Variants in PCDH15 observed in about 807,000 individuals in gnomAD.
PCDH15 encodes the protein protocadherin related 15.
In PCDH15, 129 loss-of-function variants were observed where a neutral mutation model predicts 178.5. The observed-to-expected ratio is 0.72, with a 90% CI of 0.63 to 0.84. The LOEUF (loss-of-function observed/expected upper bound fraction) is 0.84, where lower values mean the gene tolerates loss of function less well. Ranked by LOEUF, PCDH15 falls within the 40% of genes least tolerant of loss-of-function variation. PCDH15 has a pLI of 0.00. For synonymous variants in PCDH15, 800 were observed against 732.0 expected, an observed-to-expected ratio of 1.09 and a Z score of -1.50; for missense variants, 2,230 against 2,099.9, an observed-to-expected ratio of 1.06 and a Z score of -1.21.
At position 54,050,898 on chromosome 10, in the gene PCDH15, A is replaced by G. The variant is rs907587339; in HGVS notation, c.2220+15859T>C. Among the ~76,000 whole-genome samples the G allele has an allele frequency of 3.3e-5, 5 of 152,040 alleles. No individual in the cohort carries two copies. In the East Asian group the frequency reaches 9.7e-4, roughly 29 times the overall value. On this transcript the variant is annotated intron_variant, in intron 18 of 37. Transcript: ENST00000644397. ...TGGTTGGAGGTAATTGAATCATGGG[A>G]GCAGTTACTTCTATACTGTTCTCGT...
chr10:54,074,245 A>C (rs2094299127), intron 17 of PCDH15, among the ~76,000 whole-genome samples: 1 of 152,278 alleles, frequency 6.6e-6, no homozygotes, highest in Non-Finnish European at 1.5e-5. Flanking sequence ...TGTGGTATTA[A>C]GTATATTCAT....
chr10:54,761,208 C>T (rs1022269586), intron 1 of PCDH15, among the ~76,000 whole-genome samples: 1 of 152,040 alleles, frequency 6.6e-6, no homozygotes, highest in Non-Finnish European at 1.5e-5. Context: ...AATCTTGCCC[C>T]CCCAAAAATA....
chr10:54,543,506 A>G lies in PCDH15; in HGVS notation c.92-15629T>C, dbSNP rs184808697. On this transcript the variant is annotated intron_variant, in intron 2 of 37. Coordinates refer to ENST00000644397, the MANE Select transcript of PCDH15 (RefSeq NM_001384140.1). ...CCAACGCATGCCCTGCGAGGAGGAC[A>G]AGGGAACCTTTCCCATTTCGTTTTC... Among the ~76,000 whole-genome samples, 272 of 152,328 alleles carry G rather than the reference A, an allele frequency of 1.8e-3. 1 individual carries two copies. The highest frequency in any genetic ancestry group is 6.2e-3 in the African/African-American group (259 of 41,578).
chr10:53,991,368 T>C (rs1488635862), intron 21 of PCDH15, among the ~76,000 whole-genome samples: 1 of 151,834 alleles, frequency 6.6e-6, no homozygotes, highest in Non-Finnish European at 1.5e-5. Flanking sequence ...GGTTCGTGGA[T>C]GCACCAATCA....
chr10:54,584,481 G>A (rs2091305600), intron 2 of PCDH15, among the ~76,000 whole-genome samples: 2 of 151,850 alleles, frequency 1.3e-5, no homozygotes, highest in African/African-American at 4.8e-5. Flanking sequence ...TGAGATATAT[G>A]GAACAAGTTT....
intron 1 of PCDH15, among the ~76,000 whole-genome samples, chr10:54,684,395 G>A (rs1471510962): frequency 6.6e-6 from 1 of 151,810 alleles, no homozygotes; most frequent in Non-Finnish European, 1.5e-5. Context: ...AAATCATTTA[G>A]TTTACTATTT....
intron 6 of PCDH15, among the ~76,000 whole-genome samples, chr10:54,336,313 A>T (rs1457586498): frequency 1.3e-5 from 2 of 152,236 alleles, no homozygotes; most frequent in East Asian, 3.9e-4. Flanking sequence ...GTAATGAGGA[A>T]CCAAATGTTA....
At chr10:55,370,548 G>C (rs1330304547) in intron 2 of PCDH15, among the ~76,000 whole-genome samples, 2 of 152,034 alleles carry the variant, frequency 1.3e-5, no homozygotes. Flanking sequence ...CTGGATAAAA[G>C]TACCCTTTCT....
intron 3 of PCDH15, among the ~76,000 whole-genome samples, chr10:54,447,007 A>T (rs1438389418): frequency 6.6e-6 from 1 of 151,486 alleles, no homozygotes; most frequent in Non-Finnish European, 1.5e-5. Context: ...GGTTCCCTAA[A>T]ACTCCCCCTC....
chr10:55,253,253 T>A (rs10825485), intron 1 of PCDH15, among the ~76,000 whole-genome samples: 58 of 88,812 alleles, frequency 6.5e-4, no homozygotes, highest in African/African-American at 9.0e-4. Context: ...TGTGTGCGTG[T>A]GTGTGTGTGT....
intron 2 of PCDH15, among the ~76,000 whole-genome samples, chr10:55,588,224 A>G (rs1273732752): frequency 6.6e-6 from 1 of 152,194 alleles, no homozygotes; most frequent in African/African-American, 2.4e-5. Context: ...TTTATGGCAA[A>G]GACAGCAATA....
chr10:54,787,768 A>G (rs1369430181), intron 1 of PCDH15, among the ~76,000 whole-genome samples: 1 of 151,966 alleles, frequency 6.6e-6, no homozygotes, highest in African/African-American at 2.4e-5. Flanking sequence ...AGCAAAGCCA[A>G]TGGAGAGATG....
At chr10:54,176,956 T>TAA (rs5785043) in intron 13 of PCDH15, among the ~76,000 whole-genome samples, 41 of 148,600 alleles carry the variant, frequency 2.8e-4, no homozygotes, top group African/African-American at 3.2e-4. Context: ...TATGTCCATG[T>TAA]AAAAAAAAAA....
chr10:54,813,108 C>T (rs562028868), intron 3 of PCDH15, among the ~76,000 whole-genome samples: 1 of 152,296 alleles, frequency 6.6e-6, no homozygotes, highest in African/African-American at 2.4e-5. Context: ...CCATGCTCTC[C>T]TGTTTTCTCC....
At chr10:55,079,938 G>T (rs1228761892) in intron 2 of PCDH15, among the ~76,000 whole-genome samples, 1 of 152,132 alleles carries the variant, frequency 6.6e-6, no homozygotes, top group African/African-American at 2.4e-5. Context: ...GCCCCAGGTA[G>T]TGTGCAGGGG....
chr10:54,392,013 G>A (rs1226942508), intron 3 of PCDH15, among the ~76,000 whole-genome samples: 1 of 152,120 alleles, frequency 6.6e-6, no homozygotes, highest in Non-Finnish European at 1.5e-5. Flanking sequence ...TAACACTGTG[G>A]TACTGGACAT....
chr10:54,764,121 G>T (rs1050996368), intron 1 of PCDH15, among the ~76,000 whole-genome samples: 2 of 151,890 alleles, frequency 1.3e-5, no homozygotes, highest in African/African-American at 2.4e-5. Flanking sequence ...ATTTTTTTCA[G>T]TGGTCTCTAA....
At chr10:55,218,150 T>C (rs933583409) in intron 1 of PCDH15, among the ~76,000 whole-genome samples, 9 of 151,976 alleles carry the variant, frequency 5.9e-5, no homozygotes, top group African/African-American at 2.2e-4. Context: ...GTTTCTATTT[T>C]GCACATGAGA....
chr10:54,059,183 TTAACATAA>T (rs2093963605), intron 18 of PCDH15, among the ~76,000 whole-genome samples: 1 of 152,222 alleles, frequency 6.6e-6, no homozygotes, highest in Non-Finnish European at 1.5e-5. Context: ...TTTATTTTAC[TTAACATAA>T]TAACCTCCAT....
Sources: gnomAD v4.1 joint callset for allele counts (sites outside exome capture counted in the v4.1 genomes callset) on GRCh38, gnomAD v4.1.1 for gene constraint, MANE v1.5 for transcripts, NCBI Gene and HGNC (gene_info 2026-07-23, HGNC 2026-07-21) for gene names.